Variants in TAFA2 observed in about 807,000 individuals in gnomAD.
The protein encoded by TAFA2 is chemokine-like protein TAFA-2.
TAFA2 carries 7 observed loss-of-function variants against 18.8 expected under a neutral mutation model. The ratio of observed to expected loss-of-function variants is 0.37; its 90% confidence interval spans 0.21 to 0.70. The LOEUF (loss-of-function observed/expected upper bound fraction) is 0.70, where lower values mean the gene tolerates loss of function less well. TAFA2 is among the 30% of genes least tolerant of loss of function. The pLI, the probability that TAFA2 is intolerant of heterozygous loss-of-function variation, is 0.53. For synonymous variants in TAFA2, 60 were observed against 54.2 expected (o/e 1.11, Z -0.47); for missense variants, 122 against 158.1 (o/e 0.77, Z 1.23).
intron 1 of TAFA2, among the ~76,000 whole-genome samples, chr12:62,038,630 A>G (rs1319097005): frequency 6.6e-6 from 1 of 152,158 alleles, no homozygotes; most frequent in African/African-American, 2.4e-5. Flanking sequence ...TGCCCCACAG[A>G]TACCAAGAGA....
chr12:62,036,220 C>T (rs1881607977), intron 1 of TAFA2, among the ~76,000 whole-genome samples: 1 of 152,146 alleles, frequency 6.6e-6, no homozygotes. Flanking sequence ...TTAAGAACCA[C>T]TACTATACAG....
chr12:61,887,288 T>C (rs1875426198), intron 1 of TAFA2, among the ~76,000 whole-genome samples: 1 of 152,324 alleles, frequency 6.6e-6, no homozygotes, highest in East Asian at 1.9e-4. Flanking sequence ...TGACAGCTTA[T>C]TACCTACATT....
intron 1 of TAFA2, chr12:62,235,423 G>A (rs1592413332): frequency 4.6e-6 from 3 of 654,944 alleles, no homozygotes; most frequent in East Asian, 5.2e-5. Flanking sequence ...TGGGTGCTGA[G>A]TTCTACTTAT....
chr12:61,879,618 A>G, intron 1 of TAFA2: 1 of 810,564 alleles, frequency 1.2e-6, no homozygotes, highest in Non-Finnish European at 2.2e-6. Flanking sequence ...CAAGACATTC[A>G]AAACAAGTTT....
intron 1 of TAFA2, among the ~76,000 whole-genome samples, chr12:61,944,973 G>A (rs1041136521): frequency 2.0e-5 from 3 of 150,028 alleles, no homozygotes; most frequent in African/African-American, 7.4e-5. Context: ...GCATCATTCT[G>A]ATACCAAAGA....
At chr12:62,233,989 C>A (rs1407275213) in intron 1 of TAFA2, among the ~76,000 whole-genome samples, 1 of 152,182 alleles carries the variant, frequency 6.6e-6, no homozygotes, top group African/African-American at 2.4e-5. Context: ...AGCTTATCTC[C>A]TTGGCAGCAC....
In TAFA2 at chr12:61,879,534, G is replaced by T. The variant is rs986062852; in HGVS notation, c.-1-12108C>A. Reference sequence around the variant, plus strand: ...CTGCTGTCATGGTCAACCAGAGCCTGCTGAGGCCCCTTAACCTGGAGGTGG... The same window carrying T: ...CTGCTGTCATGGTCAACCAGAGCCTTCTGAGGCCCCTTAACCTGGAGGTGG... On this transcript the variant is annotated intron_variant, in intron 1 of 4. Transcript: ENST00000416284. 3.9e-5 allele frequency: 28 copies of T among 721,188 alleles called. No homozygotes were observed. In the East Asian group the frequency reaches 5.2e-4, roughly 13 times the overall value. The allele number at this position is 721,188 out of a possible 1,614,324, so 44.7% of individuals were successfully genotyped here.
At chr12:61,860,109 C>T (rs1352674604) in intron 2 of TAFA2, among the ~76,000 whole-genome samples, 1 of 152,140 alleles carries the variant, frequency 6.6e-6, no homozygotes, top group Non-Finnish European at 1.5e-5. Context: ...AATTAATGAA[C>T]AGCATGCTCT....
At chr12:61,988,524 C>T (rs1184622732) in intron 1 of TAFA2, among the ~76,000 whole-genome samples, 2 of 152,126 alleles carry the variant, frequency 1.3e-5, no homozygotes, top group African/African-American at 4.8e-5. Context: ...CCTTAAGAAG[C>T]AGAGCACATA....
intron 1 of TAFA2, among the ~76,000 whole-genome samples, chr12:62,209,513 C>A (rs1592401846): frequency 6.6e-6 from 1 of 152,206 alleles, no homozygotes; most frequent in African/African-American, 2.4e-5. Context: ...TGGACTAATA[C>A]ACATGTGAAA....
chr12:61,816,252 C>T (rs754328221), intron 2 of TAFA2, among the ~76,000 whole-genome samples: 1 of 151,300 alleles, frequency 6.6e-6, no homozygotes, highest in Non-Finnish European at 1.5e-5. Context: ...TTAGCTCCCA[C>T]TTGTAAGTGG....
At chr12:61,965,968 G>A (rs775744269) in intron 1 of TAFA2, among the ~76,000 whole-genome samples, 4 of 151,856 alleles carry the variant, frequency 2.6e-5, no homozygotes, top group Non-Finnish European at 5.9e-5. Flanking sequence ...GCCATCCATT[G>A]ATGGACATTT....
chr12:62,036,243 T>C (rs1005907554), intron 1 of TAFA2, among the ~76,000 whole-genome samples: 1 of 152,188 alleles, frequency 6.6e-6, no homozygotes, highest in African/African-American at 2.4e-5. Context: ...TTATAGGTGA[T>C]ATTAATAAAT....
chr12:61,942,434 T>C (rs376839835), intron 1 of TAFA2, among the ~76,000 whole-genome samples: 5 of 151,096 alleles, frequency 3.3e-5, no homozygotes, highest in Non-Finnish European at 7.4e-5. Flanking sequence ...TCACCAGCAA[T>C]GGAACAAAGC....
chr12:61,947,208 CA>C (rs1878300845), intron 1 of TAFA2, among the ~76,000 whole-genome samples: 1 of 146,484 alleles, frequency 6.8e-6, no homozygotes, highest in Non-Finnish European at 1.5e-5. Flanking sequence ...ATCGCAAGGA[CA>C]AAAAACCAAA....
At chr12:62,153,182 C>T (rs2062341348) in intron 1 of TAFA2, among the ~76,000 whole-genome samples, 1 of 152,010 alleles carries the variant, frequency 6.6e-6, no homozygotes, top group East Asian at 1.9e-4. Context: ...GTGGTGACTA[C>T]AACAAAAATG....
chr12:62,235,319 C>A, intron 1 of TAFA2: 1 of 668,862 alleles, frequency 1.5e-6, no homozygotes. Flanking sequence ...CCCTCGGCAT[C>A]TCTGTCCTGT....
At chr12:61,772,515 T>C (rs1309107935) in intron 2 of TAFA2, among the ~76,000 whole-genome samples, 1 of 151,958 alleles carries the variant, frequency 6.6e-6, no homozygotes, top group Admixed American at 6.6e-5. Flanking sequence ...TAATACACCA[T>C]GATCAAGTGG....
At chr12:62,129,273 T>TACCAC (rs1158393939) in intron 1 of TAFA2, among the ~76,000 whole-genome samples, 1 of 152,068 alleles carries the variant, frequency 6.6e-6, no homozygotes, top group Non-Finnish European at 1.5e-5. Flanking sequence ...TTCAATACCA[T>TACCAC]ACCACCTATT....
Sources: gnomAD v4.1 joint callset for allele counts (sites outside exome capture counted in the v4.1 genomes callset) on GRCh38, gnomAD v4.1.1 for gene constraint, MANE v1.5 for transcripts, NCBI Gene and HGNC (gene_info 2026-07-23, HGNC 2026-07-21) for gene names.